Variants in EHBP1 observed in about 807,000 individuals in gnomAD.
EHBP1 encodes EH domain binding protein 1.
EHBP1 carries 55 observed loss-of-function variants against 144.0 expected under a neutral mutation model. That is an observed-to-expected ratio of 0.38 (90% confidence interval 0.31 to 0.48). The LOEUF (loss-of-function observed/expected upper bound fraction) is 0.48, where lower values mean the gene tolerates loss of function less well. Among genes scored for constraint, EHBP1 ranks in the 20% least tolerant of loss-of-function variants. EHBP1 has a pLI of 0.98. For synonymous variants in EHBP1, 469 were observed against 472.7 expected, an observed-to-expected ratio of 0.99 and a Z score of 0.10; for missense variants, 1,200 against 1,364.2, an observed-to-expected ratio of 0.88 and a Z score of 1.90.
At chr2:62,940,141 TA>T in intron 10 of EHBP1, 1 of 410,232 alleles carries the variant, frequency 2.4e-6, no homozygotes, top group Non-Finnish European at 4.8e-6. Context: ...ACGCCTGTGG[TA>T]AAGGTTCTAA....
intron 14 of EHBP1, 73 bp downstream of exon 14, chr2:62,955,733 G>T (rs1392608575): frequency 1.5e-5 from 22 of 1,498,894 alleles, no homozygotes; most frequent in Non-Finnish European, 2.0e-5. Context: ...TAATTTGCTT[G>T]TATTTCTGCT....
chr2:62,892,626 G>C lies in EHBP1; in HGVS notation c.1185+18094G>C, dbSNP rs190747015. On this transcript the variant is annotated intron_variant, in intron 10 of 22. Coordinates refer to ENST00000431489, the MANE Select transcript of EHBP1 (RefSeq NM_001142616.3). ...AACTTGCTAATACTTTTAATTCTAC[G>C]TAGCAAAACTTTACCTTATACAGCA... 1.6e-4 allele frequency among the ~76,000 whole-genome samples: 25 copies of C among 151,958 alleles called. No homozygotes were observed. In the East Asian group the frequency reaches 4.1e-3, roughly 25 times the overall value.
At chr2:62,908,363 C>T (rs1488423992) in intron 10 of EHBP1, among the ~76,000 whole-genome samples, 1 of 152,096 alleles carries the variant, frequency 6.6e-6, no homozygotes, top group African/African-American at 2.4e-5. Context: ...ATCAGTCTGG[C>T]TCAAGATTTA....
At chr2:62,708,416 C>T (rs185797486) in intron 2 of EHBP1, among the ~76,000 whole-genome samples, 44 of 152,160 alleles carry the variant, frequency 2.9e-4, no homozygotes, top group African/African-American at 7.2e-4. Flanking sequence ...ATAAATTCAC[C>T]GTGAGAGATG....
intron 10 of EHBP1, among the ~76,000 whole-genome samples, chr2:62,919,238 CT>C (rs1249819617): frequency 1.3e-5 from 2 of 152,230 alleles, no homozygotes; most frequent in African/African-American, 2.4e-5. Flanking sequence ...GTGTAAGCCC[CT>C]GTCTGCTCTT....
At chr2:62,704,140 G>T (rs557398974), upstream of EHBP1, among the ~76,000 whole-genome samples, 2 of 152,178 alleles carry the variant, frequency 1.3e-5, no homozygotes, top group Non-Finnish European at 2.9e-5. Flanking sequence ...GGACATCAGA[G>T]AACTCTTAAT....
rs548364070 is a variant in EHBP1, at chr2:62,792,121, C to G, written c.312+20729C>G. Among the ~76,000 whole-genome samples, 13 of 152,140 alleles carry G rather than the reference C, an allele frequency of 8.5e-5. No individual in the cohort carries two copies. The South Asian group carries it at 1.7e-3, about 19-fold the overall frequency. ...AATATTGGTTTACAAGTACTACTTA[C>G]AGTTATTTCAGACCTCTGCATCTAC... On this transcript the variant is annotated intron_variant, in intron 5 of 22. Transcript: ENST00000431489.
At chr2:62,751,739 G>T (rs1421705153) in intron 3 of EHBP1, among the ~76,000 whole-genome samples, 2 of 151,994 alleles carry the variant, frequency 1.3e-5, no homozygotes, top group Non-Finnish European at 2.9e-5. Flanking sequence ...AGGAATTTAT[G>T]CATTTCTTCT....
chr2:62,870,309 A>G lies in EHBP1; in HGVS notation c.999-4037A>G, dbSNP rs927308920. Among the ~76,000 whole-genome samples, 27 of 152,210 alleles carry G rather than the reference A, an allele frequency of 1.8e-4. 1 individual carries two copies. The highest frequency in any genetic ancestry group is 1.6e-3 in the Admixed American group (25 of 15,270). ...TCAGAATGTTAACAAAGTAGAGAAA[A>G]AGAGTCATTAAAGTGTCCAGAACCA... is the stretch of plus-strand genomic sequence containing the variant. On this transcript the variant is annotated intron_variant, in intron 9 of 22. Coordinates refer to ENST00000431489, the MANE Select transcript of EHBP1 (RefSeq NM_001142616.3).
At chr2:62,962,978 G>T (rs1319937561) in intron 14 of EHBP1, among the ~76,000 whole-genome samples, 2 of 152,194 alleles carry the variant, frequency 1.3e-5, no homozygotes, top group Non-Finnish European at 2.9e-5. Context: ...TCACATAACA[G>T]GTAGCAGGAT....
intron 4 of EHBP1, among the ~76,000 whole-genome samples, chr2:62,767,777 A>G (rs1457095578): frequency 1.3e-5 from 2 of 150,484 alleles, no homozygotes; most frequent in Non-Finnish European, 3.0e-5. Context: ...TGAAGGTTGC[A>G]GTGAACCAAG....
rs953176796 is a variant in EHBP1 at position 62,937,642 on chromosome 2, A to T, written c.1186-5076A>T. ...ATTTGAACTAAATCTTGAAGATTTGAAGATAGAGTGGAATTGCAGCAGTTG... is the reference window on the plus strand; with the variant it reads ...ATTTGAACTAAATCTTGAAGATTTGTAGATAGAGTGGAATTGCAGCAGTTG... On this transcript the variant is annotated intron_variant, in intron 10 of 22. Transcript: ENST00000431489. 3.9e-5 allele frequency among the ~76,000 whole-genome samples: 6 copies of T among 152,272 alleles called. No homozygotes were observed. The East Asian group carries it at 1.2e-3, about 29-fold the overall frequency.
chr2:62,881,999 A>G (rs1038204789), intron 10 of EHBP1, among the ~76,000 whole-genome samples: 4 of 152,212 alleles, frequency 2.6e-5, no homozygotes, highest in Non-Finnish European at 5.9e-5. Context: ...ATTTTCATTA[A>G]TTGTATGATT....
rs1352774906 is a variant in EHBP1 at position 62,790,784 on chromosome 2, T to G, written c.312+19392T>G. On this transcript the variant is annotated intron_variant, in intron 5 of 22. Coordinates refer to ENST00000431489, the MANE Select transcript of EHBP1 (RefSeq NM_001142616.3). Reference sequence around the variant, plus strand: ...TACCCATCAATGAAATATCCTGTTTTGTAGATGTTAGTGTTTATACCATTA... The same window carrying G: ...TACCCATCAATGAAATATCCTGTTTGGTAGATGTTAGTGTTTATACCATTA... Among the ~76,000 whole-genome samples the G allele has an allele frequency of 2.0e-5, 3 of 152,122 alleles. No individual in the cohort carries two copies. In the East Asian group the frequency reaches 5.8e-4, roughly 29 times the overall value.
rs777718382 is a variant in EHBP1, at chr2:62,955,644, A to G, written c.2444A>G (p.Asn815Ser). The change falls in exon 14 of 23, where the codon AAC (asparagine) becomes AGC (serine). Residue 815 changes from asparagine to serine, a missense_variant. Physicochemically the swap from Asn to Ser is conservative, Grantham distance 46 (BLOSUM62 1). This residue lies in a region of EHBP1 where 543 missense variants were observed against 513.1 expected (regional missense o/e 1.06). Transcript: ENST00000431489. ...ACCAACACAGCCACCCCATTCTGCAACAGGCAGCTAAGTGATGTGAGGAGC... is the reference window on the plus strand; with the variant it reads ...ACCAACACAGCCACCCCATTCTGCAGCAGGCAGCTAAGTGATGTGAGGAGC... ...HNTNTATPFC[N>S]RQLSDQQDEE... 5 of 1,611,218 alleles carry G rather than the reference A, an allele frequency of 3.1e-6. No individual in the cohort carries two copies. Among genetic ancestry groups the G allele is most frequent in the Non-Finnish European group, 3.4e-6 (4 of 1,178,652 alleles).
At chr2:62,961,419 T>C (rs1216171940) in intron 14 of EHBP1, among the ~76,000 whole-genome samples, 1 of 152,222 alleles carries the variant, frequency 6.6e-6, no homozygotes, top group African/African-American at 2.4e-5. Flanking sequence ...ATTTCATTGC[T>C]CTGGGTCTGT....
intron 1 of EHBP1, among the ~76,000 whole-genome samples, chr2:62,683,594 G>T (rs780832155): frequency 5.3e-5 from 8 of 149,548 alleles, no homozygotes; most frequent in Non-Finnish European, 1.2e-4. Context: ...GGGAGACGGA[G>T]GTTGCAGTGA....
chr2:62,718,850 C>G (rs2035935309), intron 2 of EHBP1, among the ~76,000 whole-genome samples: 1 of 152,056 alleles, frequency 6.6e-6, no homozygotes, highest in Non-Finnish European at 1.5e-5. Context: ...TTTAGCTGTG[C>G]CATTTTAGCT....
chr2:62,699,653 A>G (rs150363771), intron 1 of EHBP1, among the ~76,000 whole-genome samples: 68 of 152,362 alleles, frequency 4.5e-4, no homozygotes, highest in African/African-American at 1.5e-3. Context: ...AACTAGGCCA[A>G]CGTTTACAGT....
Sources: allele counts gnomAD v4.1 joint callset (sites outside exome capture counted in the v4.1 genomes callset), GRCh38; gene constraint gnomAD v4.1.1; regional missense constraint gnomAD v4.1.1; transcripts MANE v1.5; gene names NCBI Gene and HGNC (gene_info 2026-07-23, HGNC 2026-07-21).